The following PLCXD3 variants were observed in gnomAD, a reference collection of about 807,000 sequenced individuals.
PLCXD3 encodes the protein PI-PLC X domain-containing protein 3.
A neutral mutation model predicts 25.5 loss-of-function variants in PLCXD3; 19 were observed. The ratio of observed to expected loss-of-function variants is 0.75; its 90% CI spans 0.52 to 1.09. PLCXD3 has a LOEUF of 1.09. PLCXD3 is among the 50% of genes least tolerant of loss of function. The probability of loss-of-function intolerance (pLI) is 0.00; values close to 1 mark genes in which losing one functional copy is unlikely to be tolerated. For synonymous variants in PLCXD3, 174 were observed against 137.6 expected (o/e 1.26, Z -1.85); for missense variants, 411 against 388.1 (o/e 1.06, Z -0.50).
At chr5:41,436,362 C>T (rs901135271) in intron 1 of PLCXD3, among the ~76,000 whole-genome samples, 3 of 152,060 alleles carry the variant, frequency 2.0e-5, no homozygotes, top group Admixed American at 1.3e-4. Context: ...TCACCTCTTA[C>T]TAGCTGTGTG....
chr5:41,472,659 T>C (rs76265195), intron 1 of PLCXD3, among the ~76,000 whole-genome samples: 14,775 of 152,280 alleles, frequency 0.097, 920 homozygotes, highest in East Asian at 0.34. Flanking sequence ...TGTTGTTCTA[T>C]TTCAGAGATG....
At chr5:41,400,449 A>G (rs1032109920) in intron 1 of PLCXD3, among the ~76,000 whole-genome samples, 12 of 152,144 alleles carry the variant, frequency 7.9e-5, no homozygotes, top group Non-Finnish European at 7.4e-5. Flanking sequence ...GTGTCCATCA[A>G]CAGATGAATG....
chr5:41,508,906 T>C lies in PLCXD3; in HGVS notation c.103+1518A>G, dbSNP rs2111602579. Among the ~76,000 whole-genome samples the C allele has an allele frequency of 1.3e-5, 2 of 152,354 alleles. 1 individual carries two copies. The highest frequency in any genetic ancestry group is 6.8e-3 in the Middle Eastern group (2 of 294). ...AGAGCAATCTCCAGGCTTGCCTAGGTAGCAGAATAAGTGCTGCATGGAGAA... is the reference window on the plus strand; with the variant it reads ...AGAGCAATCTCCAGGCTTGCCTAGGCAGCAGAATAAGTGCTGCATGGAGAA... On this transcript the variant is annotated intron_variant, in intron 1 of 2. Transcript: ENST00000377801.
At chr5:41,479,727 GAA>G (rs899159457) in intron 1 of PLCXD3, among the ~76,000 whole-genome samples, 15 of 149,700 alleles carry the variant, frequency 1.0e-4, no homozygotes, top group African/African-American at 2.8e-4. Context: ...GAGAGAGAGA[GAA>G]AGAGAGAGAG....
chr5:41,419,354 T>C (rs1408133490), intron 1 of PLCXD3, among the ~76,000 whole-genome samples: 1 of 152,176 alleles, frequency 6.6e-6, no homozygotes, highest in Non-Finnish European at 1.5e-5. Context: ...ACGTTCTTTC[T>C]TTGGAATAAT....
intron 1 of PLCXD3, among the ~76,000 whole-genome samples, chr5:41,501,418 G>T (rs76504821): frequency 6.6e-6 from 1 of 151,926 alleles, no homozygotes; most frequent in Admixed American, 6.6e-5. Flanking sequence ...GACATTATGC[G>T]AACTGAAATA....
intron 1 of PLCXD3, among the ~76,000 whole-genome samples, chr5:41,384,196 T>C (rs1277291833): frequency 6.6e-6 from 1 of 152,088 alleles, no homozygotes; most frequent in African/African-American, 2.4e-5. Context: ...GGCAAGAAAA[T>C]GTCAGTCCTT....
At chr5:41,387,728 C>T (rs1489258452) in intron 1 of PLCXD3, among the ~76,000 whole-genome samples, 1 of 152,090 alleles carries the variant, frequency 6.6e-6, no homozygotes, top group Non-Finnish European at 1.5e-5. Context: ...TATTTTTAAA[C>T]TAATGAATTT....
rs116336181 is a variant in PLCXD3, at chr5:41,372,267, T to G, written c.812+9559A>C. Among the ~76,000 whole-genome samples, 1,107 of 151,064 alleles carry G rather than the reference T, an allele frequency of 7.3e-3. 11 individuals are homozygous for G. The highest frequency in any genetic ancestry group is 0.025 in the African/African-American group (1,042 of 41,046). ...TATGCCACAGTTTTTCAGAAAAGTA[T>G]ATGTATTCATTCTCTCTCTCTCTCT... On this transcript the variant is annotated intron_variant, in intron 2 of 2. Transcript: ENST00000377801.
In PLCXD3 at chr5:41,342,026, C is replaced by A. The variant is rs923279619; in HGVS notation, c.813-28256G>T. 3.7e-4 allele frequency among the ~76,000 whole-genome samples: 56 copies of A among 152,102 alleles called. 1 individual carries two copies. The highest frequency in any genetic ancestry group is 1.6e-4 in the Non-Finnish European group (11 of 68,024). On this transcript the variant is annotated intron_variant, in intron 2 of 2. Coordinates refer to ENST00000377801, the MANE Select transcript of PLCXD3 (RefSeq NM_001005473.3). Reference sequence around the variant, plus strand: ...GATCATACGGCTGTGATCTAGTGAGCTCCTGCCTACTCATCTTTCTATTTA... The same window carrying A: ...GATCATACGGCTGTGATCTAGTGAGATCCTGCCTACTCATCTTTCTATTTA...
At chr5:41,475,304 TTA>T (rs1230730738) in intron 1 of PLCXD3, among the ~76,000 whole-genome samples, 1 of 152,188 alleles carries the variant, frequency 6.6e-6, no homozygotes, top group Non-Finnish European at 1.5e-5. Context: ...CTGGTTGATT[TTA>T]GTTTTTTCTG....
rs565464195 is a variant in PLCXD3, at chr5:41,341,349, G to A, written c.813-27579C>T. On this transcript the variant is annotated intron_variant, in intron 2 of 2. Coordinates refer to ENST00000377801, the MANE Select transcript of PLCXD3 (RefSeq NM_001005473.3). ...AAGACTGTGACTCCACCTAAATCAC[G>A]TCTACAAATCGCTGATCCTTTCTGT... is the stretch of plus-strand genomic sequence containing the variant. 1.2e-4 allele frequency among the ~76,000 whole-genome samples: 19 copies of A among 152,174 alleles called. No individual in the cohort carries two copies. In the South Asian group the frequency reaches 2.7e-3, roughly 22 times the overall value.
At chr5:41,447,395 C>T (rs1747528226) in intron 1 of PLCXD3, among the ~76,000 whole-genome samples, 2 of 152,116 alleles carry the variant, frequency 1.3e-5, no homozygotes, top group African/African-American at 4.8e-5. Flanking sequence ...GTCAATTTCT[C>T]TTTGGAAAAT....
intron 1 of PLCXD3, among the ~76,000 whole-genome samples, chr5:41,421,988 C>CAT (rs34150400): frequency 6.5e-3 from 44 of 6,790 alleles, no homozygotes; most frequent in Non-Finnish European, 0.053. Flanking sequence ...TAGGTATTTC[C>CAT]ATATATATAT....
chr5:41,321,978 A>G (rs1043164596), intron 2 of PLCXD3, among the ~76,000 whole-genome samples: 2 of 152,226 alleles, frequency 1.3e-5, no homozygotes, highest in East Asian at 1.9e-4. Flanking sequence ...TGAAACTACT[A>G]TAAGAAAACT....
intron 1 of PLCXD3, among the ~76,000 whole-genome samples, chr5:41,487,470 G>A (rs889757324): frequency 1.3e-5 from 2 of 152,152 alleles, no homozygotes; most frequent in Non-Finnish European, 2.9e-5. Flanking sequence ...TTGACTATAG[G>A]CCAGGGAACC....
intron 1 of PLCXD3, among the ~76,000 whole-genome samples, chr5:41,477,463 C>T (rs913592742): frequency 6.6e-6 from 1 of 152,118 alleles, no homozygotes; most frequent in African/African-American, 2.4e-5. Flanking sequence ...TCTCTGTGTG[C>T]CAGCATCCTT....
chr5:41,423,699 A>G (rs965415102), intron 1 of PLCXD3, among the ~76,000 whole-genome samples: 32 of 152,140 alleles, frequency 2.1e-4, no homozygotes, highest in African/African-American at 7.7e-4. Context: ...TAATCCCAGC[A>G]CTTTGGGAGG....
intron 2 of PLCXD3, among the ~76,000 whole-genome samples, chr5:41,342,730 T>G (rs1744186470): frequency 6.6e-6 from 1 of 152,086 alleles, no homozygotes; most frequent in Non-Finnish European, 1.5e-5. Context: ...AAGCAAAATC[T>G]CCAAATGCAG....
Sources: gnomAD v4.1 joint callset for allele counts (sites outside exome capture counted in the v4.1 genomes callset) on GRCh38, gnomAD v4.1.1 for gene constraint, MANE v1.5 for transcripts, NCBI Gene and HGNC (gene_info 2026-07-23, HGNC 2026-07-21) for gene names.